Variants in TMC5 observed in about 807,000 individuals in gnomAD.
The protein encoded by TMC5 is transmembrane channel-like protein 5.
A neutral mutation model predicts 110.5 loss-of-function variants in TMC5; 86 were observed. That is an observed-to-expected ratio of 0.78 (90% CI 0.65 to 0.93). The LOEUF (loss-of-function observed/expected upper bound fraction) is 0.93. TMC5 is among the 40% of genes least tolerant of loss of function. The probability of loss-of-function intolerance (pLI) is 0.00; values close to 1 mark genes in which losing one functional copy is unlikely to be tolerated. For missense variants in TMC5, 1,144 were observed against 1,222.8 expected (o/e 0.94, Z 0.96); for synonymous variants, 455 against 439.5 (o/e 1.04, Z -0.44).
upstream of TMC5, among the ~76,000 whole-genome samples, chr16:19,415,199 A>G (rs188403363): frequency 1.3e-3 from 191 of 152,332 alleles, no homozygotes; most frequent in African/African-American, 4.4e-3. Context: ...CGAAATATGT[A>G]AAAATATGGT....
At chr16:19,486,479 C>T (rs1376156528) in intron 15 of TMC5, among the ~76,000 whole-genome samples, 5 of 152,102 alleles carry the variant, frequency 3.3e-5, no homozygotes, top group Non-Finnish European at 5.9e-5. Context: ...CAGGTTCAAG[C>T]GATTCTCCTG....
chr16:19,442,325 AT>A (rs143016414), intron 3 of TMC5, among the ~76,000 whole-genome samples: 6,218 of 123,338 alleles, frequency 0.05, 299 homozygotes, highest in African/African-American at 0.17. Flanking sequence ...ACAAAATGTA[AT>A]TTTTTTTTTT....
intron 9 of TMC5, among the ~76,000 whole-genome samples, chr16:19,468,338 A>G (rs552248304): frequency 6.6e-6 from 1 of 152,272 alleles, no homozygotes; most frequent in South Asian, 2.1e-4. Context: ...GCATCCGTCC[A>G]TCTTGTGCAG....
At chr16:19,454,324 G>A (rs1967817234) in intron 5 of TMC5, among the ~76,000 whole-genome samples, 1 of 152,108 alleles carries the variant, frequency 6.6e-6, no homozygotes, top group Non-Finnish European at 1.5e-5. Flanking sequence ...GTGATTAGAG[G>A]CATAAACCAC....
Position 19,440,604 on chromosome 16 carries a change from A to G in TMC5, c.566A>G (p.Glu189Gly), listed in dbSNP as rs1967463400. ...LNHPGSRKNL[E>G]HTSFRINPYA... is the part of the protein sequence containing the mutation. ...CATCCAGGATCCAGAAAGAATCTGG[A>G]ACATACAAGTTTTAGAATCAATCCA... The change falls in exon 3 of 22, where the codon GAA (glutamate) becomes GGA (glycine). Residue 189 changes from glutamate (E) to glycine (G), a missense_variant. By Grantham distance (98) the Glu-to-Gly change is moderately conservative (BLOSUM62 -2). Transcript: ENST00000542583. 1 of 1,614,210 alleles carries G rather than the reference A, an allele frequency of 6.2e-7. No homozygotes were observed. Among genetic ancestry groups the G allele is most frequent in the Non-Finnish European group, 8.5e-7 (1 of 1,180,040 alleles).
intron 13 of TMC5, 137 bp from the exon 14 acceptor site, chr16:19,479,294 A>C: frequency 1.4e-6 from 1 of 738,850 alleles, no homozygotes; most frequent in African/African-American, 1.8e-5. Flanking sequence ...GAGTGGGTCT[A>C]CTTTTTTGAG....
intron 15 of TMC5, among the ~76,000 whole-genome samples, chr16:19,481,814 A>G (rs976411899): frequency 5.3e-5 from 8 of 152,112 alleles, no homozygotes; most frequent in South Asian, 2.1e-4. Context: ...CCTTACTTCC[A>G]ATGTGATGGA....
Position 19,421,734 on chromosome 16 carries a change from C to T in TMC5, c.-308+3642C>T, listed in dbSNP as rs1164734279. Among the ~76,000 whole-genome samples the T allele has an allele frequency of 2.0e-5, 3 of 152,170 alleles. No homozygotes were observed. The East Asian group carries it at 5.8e-4, about 29-fold the overall frequency. ...CAAGCTTGATGTCATACTTACCCAG[C>T]ATGGGAGAAAAGGTAGCAGAATTCA... On this transcript the variant is annotated intron_variant, in intron 1 of 21. Coordinates refer to ENST00000542583, the MANE Select transcript of TMC5 (RefSeq NM_001261841.2).
intron 17 of TMC5, among the ~76,000 whole-genome samples, chr16:19,488,817 C>T (rs186279701): frequency 7.6e-4 from 116 of 152,292 alleles, no homozygotes; most frequent in Non-Finnish European, 1.2e-3. Context: ...GTCCGTTTTT[C>T]CCACCAGAAT....
rs1259926319 is a variant in TMC5 at position 19,474,171 on chromosome 16, T to C, written c.1985T>C (p.Phe662Ser). 3 of 1,614,000 alleles carry C rather than the reference T, an allele frequency of 1.9e-6. No homozygotes were observed. Among genetic ancestry groups the C allele is most frequent in the African/African-American group, 2.7e-5 (2 of 74,992 alleles). Residue 662 changes from phenylalanine to serine, a missense_variant, in exon 12 of 22, where the codon TTC becomes TCC. Physicochemically the swap from Phe to Ser is radical, Grantham distance 155. Transcript: ENST00000542583. ...SNPGAVLLLP[F>S]VVSCINLAVP... ...CCTGGGGCGGTGCTGTTACTGCCTT[T>C]CGTTGTGTCCTGCATTAATCTGGCC... is the stretch of plus-strand genomic sequence containing the variant.
intron 2 of TMC5, among the ~76,000 whole-genome samples, chr16:19,433,094 A>C (rs1322800831): frequency 6.6e-6 from 1 of 152,210 alleles, no homozygotes; most frequent in Non-Finnish European, 1.5e-5. Context: ...TTCAAAACAA[A>C]GACCAAAATG....
intron 1 of TMC5, among the ~76,000 whole-genome samples, chr16:19,426,860 C>T (rs764117823): frequency 6.6e-6 from 1 of 152,132 alleles, no homozygotes; most frequent in Non-Finnish European, 1.5e-5. Context: ...GATTCTTAAA[C>T]TTTGGCGCAT....
At chr16:19,481,334 T>TAGGG in intron 14 of TMC5, 36 bp from the exon 15 acceptor site, 1 of 1,433,172 alleles carries the variant, frequency 7.0e-7, no homozygotes, top group East Asian at 2.3e-5. Context: ...AAGTGGGAGT[T>TAGGG]ATGGTTTGGG....
chr16:19,448,574 G>A (rs559473606), intron 4 of TMC5, among the ~76,000 whole-genome samples: 21 of 151,120 alleles, frequency 1.4e-4, no homozygotes, highest in African/African-American at 3.9e-4. Flanking sequence ...AGCTGAAATC[G>A]CACCACTGCA....
chr16:19,440,766 A>T lies in TMC5; in HGVS notation c.728A>T (p.Tyr243Phe), dbSNP rs1415084193. ...CCAAGCACTTGGAGAGAACCTGATT[A>T]TTCAGATGCTGAGAATGGTCATGAT... Reference protein sequence around the residue: ...NLPSTWREPDYSDAENGHDYG... With the variant: ...NLPSTWREPDFSDAENGHDYG... Residue 243 changes from tyrosine to phenylalanine, a missense_variant, in exon 3 of 22, where the codon TAT (tyrosine) becomes TTT (phenylalanine). By Grantham distance (22) the Tyr-to-Phe change is conservative (BLOSUM62 3). Transcript: ENST00000542583. 6.2e-7 allele frequency: 1 copy of T among 1,614,002 alleles called. No homozygotes were observed. The highest frequency in any genetic ancestry group is 1.3e-5 in the African/African-American group (1 of 74,934).
At chr16:19,418,734 T>G (rs1966913675) in intron 1 of TMC5, among the ~76,000 whole-genome samples, 1 of 149,980 alleles carries the variant, frequency 6.7e-6, no homozygotes, top group Non-Finnish European at 1.5e-5. Flanking sequence ...TGTGTTTTTT[T>G]TTTTTTTTTT....
At chr16:19,494,471 C>A in intron 20 of TMC5, 105 bp downstream of exon 20, 1 of 715,012 alleles carries the variant, frequency 1.4e-6, no homozygotes, top group Non-Finnish European at 2.4e-6. Flanking sequence ...ATGGAAGGGC[C>A]CTTCACTCTC....
At chr16:19,444,404 A>C (rs1186328360) in intron 4 of TMC5, among the ~76,000 whole-genome samples, 154 bp downstream of exon 4, 3 of 152,134 alleles carry the variant, frequency 2.0e-5, no homozygotes, top group African/African-American at 7.2e-5. Context: ...TTGAGAATTC[A>C]GTGTTTAGAG....
intron 18 of TMC5, among the ~76,000 whole-genome samples, chr16:19,490,951 TC>T (rs1176134415): frequency 8.4e-6 from 1 of 119,016 alleles, no homozygotes; most frequent in East Asian, 2.9e-4. Context: ...TCCCTTCCTT[TC>T]CCCTTCCCCT....
Sources: allele counts gnomAD v4.1 joint callset (sites outside exome capture counted in the v4.1 genomes callset), GRCh38; gene constraint gnomAD v4.1.1; transcripts MANE v1.5; gene names NCBI Gene and HGNC (gene_info 2026-07-23, HGNC 2026-07-21).